The following DSCAML1 variants were observed in gnomAD, a reference collection of about 807,000 sequenced individuals.
DSCAML1 encodes the protein cell adhesion molecule DSCAML1.
DSCAML1 carries 38 observed loss-of-function variants against 200.5 expected under a neutral mutation model. The ratio of observed to expected loss-of-function variants is 0.19; its 90% CI spans 0.15 to 0.25. The LOEUF (loss-of-function observed/expected upper bound fraction) is 0.25. DSCAML1 is among the 10% of genes least tolerant of loss of function. The pLI is 1.00. For synonymous variants in DSCAML1, 1,215 were observed against 1,165.0 expected (o/e 1.04, Z -0.87); for missense variants, 2,223 against 2,858.8 (o/e 0.78, Z 5.07).
At chr11:117,446,344 A>G (rs911499584) in intron 20 of DSCAML1, among the ~76,000 whole-genome samples, 1 of 152,144 alleles carries the variant, frequency 6.6e-6, no homozygotes, top group Non-Finnish European at 1.5e-5. Context: ...AGCCTGGGCA[A>G]TAAGAGTGAA....
At chr11:117,585,552 C>T (rs776801970) in intron 3 of DSCAML1, among the ~76,000 whole-genome samples, 1 of 152,198 alleles carries the variant, frequency 6.6e-6, no homozygotes, top group African/African-American at 2.4e-5. Flanking sequence ...GGCTTATCTG[C>T]TATTTTAAAT....
intron 3 of DSCAML1, among the ~76,000 whole-genome samples, chr11:117,750,968 G>T (rs1331171967): frequency 6.6e-6 from 1 of 152,078 alleles, no homozygotes; most frequent in Non-Finnish European, 1.5e-5. Flanking sequence ...TCTCCATCTT[G>T]CCCCCAGGTC....
intron 11 of DSCAML1, among the ~76,000 whole-genome samples, chr11:117,501,243 G>A (rs1042581026): frequency 1.3e-5 from 2 of 152,068 alleles, no homozygotes; most frequent in African/African-American, 4.8e-5. Context: ...TAGCTGGGGC[G>A]GGGGGTTACT....
intron 3 of DSCAML1, among the ~76,000 whole-genome samples, chr11:117,677,888 A>AC (rs1402230750): frequency 1.3e-5 from 2 of 151,980 alleles, no homozygotes; most frequent in African/African-American, 2.4e-5. Flanking sequence ...CCTGATCTTC[A>AC]CCCCTGTGCT....
rs1009913213 is a variant in DSCAML1 at position 117,498,719 on chromosome 11, C to T, written c.2359+5126G>A. Among the ~76,000 whole-genome samples the T allele has an allele frequency of 6.6e-6, 1 of 152,192 alleles. No individual in the cohort carries two copies. Among genetic ancestry groups the T allele is most frequent in the Non-Finnish European group, 1.5e-5 (1 of 68,036 alleles). ...AGGGCTTCCTTTGCTAGGCCCGCCC[C>T]CTCCATTTCTCAAGTCCCCACGAGA... On this transcript the variant is annotated intron_variant, in intron 11 of 32. Coordinates refer to ENST00000651296, the MANE Select transcript of DSCAML1 (RefSeq NM_020693.4). The surrounding 1 kb of genome is among the most constrained non-coding windows in gnomAD (Gnocchi z 4.0).
At chr11:117,476,093 A>G (rs935117508) in intron 14 of DSCAML1, among the ~76,000 whole-genome samples, 10 of 152,094 alleles carry the variant, frequency 6.6e-5, no homozygotes, top group African/African-American at 2.4e-4. Context: ...AGCCTGGCTT[A>G]CCCAGATTAA....
At chr11:117,675,702 C>A (rs543641611) in intron 3 of DSCAML1, among the ~76,000 whole-genome samples, 1 of 151,894 alleles carries the variant, frequency 6.6e-6, no homozygotes, top group African/African-American at 2.4e-5. Flanking sequence ...TCCCCCCTTT[C>A]CCCCCAGCAA....
intron 1 of DSCAML1, among the ~76,000 whole-genome samples, chr11:117,806,776 A>G (rs2055710215): frequency 6.6e-6 from 1 of 152,150 alleles, no homozygotes; most frequent in Admixed American, 6.5e-5. Flanking sequence ...CTGCTGTTAC[A>G]TTTTTTAAAG....
At chr11:117,707,379 C>G (rs1246344949) in intron 3 of DSCAML1, among the ~76,000 whole-genome samples, 5 of 152,200 alleles carry the variant, frequency 3.3e-5, no homozygotes, top group Non-Finnish European at 7.3e-5. Flanking sequence ...AAGGTCCCTT[C>G]AGGTACCTCT....
At chr11:117,579,682 G>A (rs753721323) in intron 3 of DSCAML1, among the ~76,000 whole-genome samples, 18 of 152,088 alleles carry the variant, frequency 1.2e-4, no homozygotes, top group Non-Finnish European at 2.4e-4. Flanking sequence ...TGGGTTGACC[G>A]TCTCTCTCCT....
intron 3 of DSCAML1, among the ~76,000 whole-genome samples, chr11:117,732,170 G>A (rs1250739453): frequency 3.3e-5 from 5 of 152,378 alleles, no homozygotes; most frequent in Admixed American, 6.5e-5. Flanking sequence ...GAATGCTGAT[G>A]AGCCTCCATG....
At chr11:117,576,267 A>T (rs764633839) in intron 3 of DSCAML1, among the ~76,000 whole-genome samples, 1 of 152,232 alleles carries the variant, frequency 6.6e-6, no homozygotes, top group East Asian at 1.9e-4. Context: ...CACTGACTCC[A>T]TGTGGATGGA....
intron 1 of DSCAML1, among the ~76,000 whole-genome samples, chr11:117,808,879 A>C (rs2055731700): frequency 6.6e-6 from 1 of 152,066 alleles, no homozygotes; most frequent in South Asian, 2.1e-4. Flanking sequence ...TACACACATG[A>C]TCTCGTTCAA....
At chr11:117,567,647 C>T (rs1202983134) in intron 3 of DSCAML1, among the ~76,000 whole-genome samples, 1 of 152,194 alleles carries the variant, frequency 6.6e-6, no homozygotes, top group Non-Finnish European at 1.5e-5. Context: ...TTCCTCGACA[C>T]ATACACTCTC....
chr11:117,707,422 G>A (rs181313927), intron 3 of DSCAML1, among the ~76,000 whole-genome samples: 4 of 152,304 alleles, frequency 2.6e-5, no homozygotes, highest in Admixed American at 2.6e-4. Context: ...TCCCACAGGG[G>A]CTGCTTTGGC....
intron 11 of DSCAML1, among the ~76,000 whole-genome samples, chr11:117,500,707 G>C (rs1385025067): frequency 6.6e-6 from 1 of 152,202 alleles, no homozygotes; most frequent in Non-Finnish European, 1.5e-5. Context: ...TTAAGTGAGT[G>C]CTGAGTTATC....
chr11:117,552,557 T>G (rs2050487692), intron 3 of DSCAML1, among the ~76,000 whole-genome samples: 1 of 152,260 alleles, frequency 6.6e-6, no homozygotes, highest in African/African-American at 2.4e-5. Context: ...AATCATTTCC[T>G]CACCTTGAAA....
chr11:117,640,304 G>C (rs1347879781), intron 3 of DSCAML1, among the ~76,000 whole-genome samples: 1 of 152,186 alleles, frequency 6.6e-6, no homozygotes, highest in Non-Finnish European at 1.5e-5. Flanking sequence ...GCCCTCTGTG[G>C]TAATCCTCAT....
chr11:117,640,283 T>C (rs1192772548), intron 3 of DSCAML1, among the ~76,000 whole-genome samples: 1 of 152,186 alleles, frequency 6.6e-6, no homozygotes, highest in East Asian at 1.9e-4. Flanking sequence ...GCCCGTTCCA[T>C]CGCTGAGCCA....
Sources: allele counts gnomAD v4.1 joint callset (sites outside exome capture counted in the v4.1 genomes callset), GRCh38; gene constraint gnomAD v4.1.1; non-coding constraint Gnocchi (gnomAD v3.1); transcripts MANE v1.5; gene names NCBI Gene and HGNC (gene_info 2026-07-23, HGNC 2026-07-21).